Variants in MACROD2 observed in about 807,000 individuals in gnomAD.
MACROD2 encodes mono-ADP ribosylhydrolase 2, also known as ADP-ribose glycohydrolase MACROD2.
Under a neutral mutation model 70.4 loss-of-function variants are expected in MACROD2, and 36 were observed. The observed-to-expected ratio is 0.51, with a 90% CI of 0.39 to 0.68. MACROD2 has a LOEUF of 0.68. Among genes scored for constraint, MACROD2 ranks in the 30% least tolerant of loss-of-function variants. MACROD2 has a pLI of 0.00. For synonymous variants in MACROD2, 172 were observed against 178.8 expected, an observed-to-expected ratio of 0.96 and a Z score of 0.30; for missense variants, 496 against 538.4, an observed-to-expected ratio of 0.92 and a Z score of 0.78.
At chr20:14,176,040 C>T (rs906830341) in intron 3 of MACROD2, among the ~76,000 whole-genome samples, 3 of 152,250 alleles carry the variant, frequency 2.0e-5, no homozygotes, top group Admixed American at 1.3e-4. Context: ...CGATATGTCT[C>T]CTGTAAATGT....
intron 3 of MACROD2, among the ~76,000 whole-genome samples, chr20:14,306,091 G>T (rs2082519026): frequency 6.6e-6 from 1 of 151,810 alleles, no homozygotes; most frequent in East Asian, 1.9e-4. Flanking sequence ...TTCTACCCCT[G>T]ATGCTTCAGC....
chr20:14,731,775 A>C (rs1005770729), intron 5 of MACROD2, among the ~76,000 whole-genome samples: 3 of 152,232 alleles, frequency 2.0e-5, no homozygotes, highest in South Asian at 2.1e-4. Flanking sequence ...TGTTTTCCAG[A>C]GGGCTACATA....
intron 8 of MACROD2, among the ~76,000 whole-genome samples, chr20:15,678,420 C>T (rs1371023280): frequency 4.0e-5 from 6 of 151,518 alleles, no homozygotes; most frequent in East Asian, 4.0e-4. Context: ...AGTGCAGTGG[C>T]ATGATCTCGG....
rs10606501 is a variant in MACROD2, at chr20:14,663,519, T to TACACACAC, written c.302-21294_302-21287dup. Among the ~76,000 whole-genome samples, 524 of 141,550 alleles carry TACACACAC rather than the reference T, an allele frequency of 3.7e-3. 2 individuals carry two copies. Among genetic ancestry groups the TACACACAC allele is most frequent in the African/African-American group, 9.7e-3 (370 of 38,184 alleles). The allele number at this position is 141,550 out of a possible 152,430, so 92.9% of individuals were successfully genotyped here. A position where few individuals can be genotyped will look rare whatever the true frequency, so the allele number is the denominator to read the frequency against. ...ATAATAAAAATAAAACAGGGATGTA[T>TACACACAC]ACACACACACACACACACACACACA... On this transcript the variant is annotated intron_variant, in intron 4 of 17. Coordinates refer to ENST00000684519, the MANE Select transcript of MACROD2 (RefSeq NM_001351661.2).
chr20:15,188,314 A>G (rs1165746321), intron 5 of MACROD2, among the ~76,000 whole-genome samples: 1 of 152,212 alleles, frequency 6.6e-6, no homozygotes. Context: ...GCAGATCAAA[A>G]TAGAAAATAC....
In MACROD2 at chr20:14,501,009, C is replaced by G. The variant is rs139467835; in HGVS notation, c.301+7501C>G. On this transcript the variant is annotated intron_variant, in intron 4 of 17. Coordinates refer to ENST00000684519, the MANE Select transcript of MACROD2 (RefSeq NM_001351661.2). The stretch of plus-strand genomic sequence containing the variant: ...GACCAGTTTACTTTGGAAAGTTAAT[C>G]TCTTTATCTTCAAGTGATTTCTAAA... Among the ~76,000 whole-genome samples the G allele has an allele frequency of 6.2e-3, 935 of 151,276 alleles. 17 individuals are homozygous for G. Among genetic ancestry groups the G allele is most frequent in the African/African-American group, 0.021 (880 of 41,316 alleles).
intron 6 of MACROD2, among the ~76,000 whole-genome samples, chr20:15,266,137 C>G (rs189827868): frequency 6.6e-6 from 1 of 152,264 alleles, no homozygotes; most frequent in Non-Finnish European, 1.5e-5. Context: ...GAATGTGGAT[C>G]ACTTTTTTTT....
At chr20:14,586,903 T>A (rs1981421108) in intron 4 of MACROD2, among the ~76,000 whole-genome samples, 1 of 152,020 alleles carries the variant, frequency 6.6e-6, no homozygotes, top group South Asian at 2.1e-4. Flanking sequence ...ACCACATTAC[T>A]CTTCTCTTTC....
chr20:14,153,093 T>G (rs1471315029), intron 3 of MACROD2, among the ~76,000 whole-genome samples: 2 of 152,208 alleles, frequency 1.3e-5, no homozygotes, highest in Non-Finnish European at 2.9e-5. Flanking sequence ...AATGTACTGC[T>G]AAGGTTATAG....
intron 3 of MACROD2, among the ~76,000 whole-genome samples, chr20:14,190,950 G>GCCTCGGCCTCCCGATCCA (rs2081383000): frequency 6.6e-6 from 1 of 151,106 alleles, no homozygotes; most frequent in East Asian, 2.0e-4. Flanking sequence ...CTCATGATCC[G>GCCTCGGCCTCCCGATCCA]CCCGCCTCGG....
intron 5 of MACROD2, among the ~76,000 whole-genome samples, chr20:15,002,199 C>T (rs760493044): frequency 9.2e-5 from 14 of 152,068 alleles, no homozygotes; most frequent in African/African-American, 2.9e-4. Context: ...TACTGTTTGC[C>T]GTAGTGGTTG....
At chr20:15,189,831 T>C (rs1427504578) in intron 5 of MACROD2, among the ~76,000 whole-genome samples, 1 of 152,090 alleles carries the variant, frequency 6.6e-6, no homozygotes, top group East Asian at 1.9e-4. Flanking sequence ...CAGTGTTATC[T>C]CACCGAGATG....
chr20:15,131,557 C>T (rs976991536), intron 5 of MACROD2, among the ~76,000 whole-genome samples: 26 of 152,020 alleles, frequency 1.7e-4, no homozygotes, highest in African/African-American at 5.8e-4. Flanking sequence ...GGAAATTAAA[C>T]GATCATGAGA....
intron 5 of MACROD2, among the ~76,000 whole-genome samples, chr20:14,828,041 G>A (rs191989202): frequency 2.4e-4 from 37 of 151,758 alleles, no homozygotes; most frequent in African/African-American, 8.0e-4. Context: ...GTAAAGTTCG[G>A]GAAGGCATAA....
chr20:14,379,636 G>C (rs2083403626), intron 3 of MACROD2, among the ~76,000 whole-genome samples: 1 of 151,984 alleles, frequency 6.6e-6, no homozygotes, highest in Non-Finnish European at 1.5e-5. Context: ...TCAGCCCCTG[G>C]TAATCTCTAA....
chr20:15,748,067 G>A (rs1304977907), intron 8 of MACROD2, among the ~76,000 whole-genome samples: 1 of 152,126 alleles, frequency 6.6e-6, no homozygotes, highest in Admixed American at 6.6e-5. Flanking sequence ...TGAAGTGTGT[G>A]CAGATCTCTT....
chr20:14,218,472 G>A (rs888595490), intron 3 of MACROD2, among the ~76,000 whole-genome samples: 2 of 152,132 alleles, frequency 1.3e-5, no homozygotes, highest in Non-Finnish European at 2.9e-5. Flanking sequence ...CTGCAGTTCT[G>A]TATCTCTTAA....
At chr20:15,813,196 C>G (rs545673503) in intron 8 of MACROD2, among the ~76,000 whole-genome samples, 1 of 152,310 alleles carries the variant, frequency 6.6e-6, no homozygotes, top group South Asian at 2.1e-4. Context: ...TGAATTCTAA[C>G]TCAGCAACTC....
intron 3 of MACROD2, among the ~76,000 whole-genome samples, chr20:14,135,235 A>G (rs1038811162): frequency 6.6e-6 from 1 of 152,214 alleles, no homozygotes; most frequent in African/African-American, 2.4e-5. Context: ...TCTGTCATGG[A>G]CATAGATATA....
Sources: allele counts gnomAD v4.1 joint callset (sites outside exome capture counted in the v4.1 genomes callset), GRCh38; gene constraint gnomAD v4.1.1; transcripts MANE v1.5; gene names NCBI Gene and HGNC (gene_info 2026-07-23, HGNC 2026-07-21).